The following NYNRIN variants were observed in gnomAD, a reference collection of about 807,000 sequenced individuals.
NYNRIN encodes the protein protein NYNRIN.
NYNRIN carries 86 observed loss-of-function variants against 146.6 expected under a neutral mutation model. That is an observed-to-expected ratio of 0.59 (90% CI 0.49 to 0.70). The LOEUF is 0.70. NYNRIN is among the 30% of genes least tolerant of loss of function. The pLI is 0.00. For missense variants in NYNRIN, 2,191 were observed against 2,377.7 expected (o/e 0.92, Z 1.63); for synonymous variants, 1,027 against 1,001.3 (o/e 1.03, Z -0.48).
chr14:24,399,587 ATCC>A, intron 2 of NYNRIN, 143 bp downstream of exon 2: 1 of 710,096 alleles, frequency 1.4e-6, no homozygotes, highest in Non-Finnish European at 2.4e-6. Flanking sequence ...GTAGTGGGCC[ATCC>A]TCCTGCCTCG....
intron 2 of NYNRIN, among the ~76,000 whole-genome samples, chr14:24,407,637 C>T (rs185051121): frequency 1.3e-5 from 2 of 152,332 alleles, no homozygotes; most frequent in Admixed American, 1.3e-4. Context: ...CCTCCTCTCT[C>T]CCAGGCTTCC....
In NYNRIN at chr14:24,409,473, G is replaced by T. The variant is rs1192562964; in HGVS notation, c.1679G>T (p.Arg560Ile). 1 of 1,613,828 alleles carries T rather than the reference G, an allele frequency of 6.2e-7. No individual in the cohort carries two copies. Among genetic ancestry groups the T allele is most frequent in the African/African-American group, 1.3e-5 (1 of 74,934 alleles). The change falls in exon 4 of 9, where the codon AGA (arginine) becomes ATA (isoleucine). Residue 560 changes from arginine to isoleucine, a missense_variant. By Grantham distance (97) the Arg-to-Ile change is moderately conservative (BLOSUM62 -3). This residue lies in a region of NYNRIN where 895 missense variants were observed against 941.2 expected (regional missense o/e 0.95). Transcript: ENST00000382554. ...GTGCCCAAAGCTGAAAATCCCTCCAGAACTCAAGTGCCATCTGCAGCTCCC... is the reference window on the plus strand; with the variant it reads ...GTGCCCAAAGCTGAAAATCCCTCCATAACTCAAGTGCCATCTGCAGCTCCC... ...AAVPKAENPS[R>I]TQVPSAAPKL... is the part of the protein sequence containing the mutation.
chr14:24,417,194 G>A lies in NYNRIN; in HGVS notation c.5445G>A (p.Arg1815=). 6.2e-7 allele frequency: 1 copy of A among 1,614,072 alleles called. No homozygotes were observed. The highest frequency in any genetic ancestry group is 2.2e-5 in the East Asian group (1 of 44,884). ...ADKASEKAEN[R]RFKRESQEKE... ...AGGCGAGTGAAAAGGCCGAGAACAG[G>A]CGTTTCAAGCGGGAGAGCCAGGAGA... The change falls in exon 9 of 9, where the codon AGG becomes AGA. Residue 1815 remains arginine, a synonymous_variant. Transcript: ENST00000382554.
At chr14:24,413,251 C>T (rs887168631) in intron 7 of NYNRIN, 65 bp from the exon 8 acceptor site, 80 of 1,494,824 alleles carry the variant, frequency 5.4e-5, no homozygotes, top group East Asian at 2.6e-4. Context: ...AGAAGCCAGG[C>T]GACAACAGGG....
At chr14:24,405,712 C>T (rs763019306) in intron 2 of NYNRIN, among the ~76,000 whole-genome samples, 6 of 152,166 alleles carry the variant, frequency 3.9e-5, no homozygotes, top group Non-Finnish European at 8.8e-5. Context: ...CTTCCTTGCT[C>T]ATCTAAAATG....
rs778733327 is a variant in NYNRIN at position 24,416,427 on chromosome 14, G to A, written c.4678G>A (p.Glu1560Lys). The A allele has an allele frequency of 1.6e-5, 25 of 1,612,784 alleles. No homozygotes were observed. The highest frequency in any genetic ancestry group is 2.7e-5 in the African/African-American group (2 of 74,902). ...DIPLGAHQRP[E>K]ETYKKLRLLG... ...TCCCTTGGGGGCCCACCAGAGGCCCGAAGAGACCTACAAGAAGTTGCGTTT... is the reference window on the plus strand; with the variant it reads ...TCCCTTGGGGGCCCACCAGAGGCCCAAAGAGACCTACAAGAAGTTGCGTTT... Residue 1560 changes from glutamate (E) to lysine (K), a missense_variant, in exon 9 of 9, where the codon GAA becomes AAA. Physicochemically the swap from Glu to Lys is moderately conservative, Grantham distance 56. Coordinates refer to ENST00000382554, the MANE Select transcript of NYNRIN (RefSeq NM_025081.3).
Position 24,409,300 on chromosome 14 carries a change from G to C in NYNRIN, c.1506G>C (p.Gln502His), listed in dbSNP as rs528511265. 15 of 1,614,028 alleles carry C rather than the reference G, an allele frequency of 9.3e-6. 1 individual carries two copies. The highest frequency in any genetic ancestry group is 1.6e-4 in the Middle Eastern group (1 of 6,062). The change falls in exon 4 of 9, where the codon CAG (glutamine) becomes CAC (histidine). Residue 502 changes from glutamine (Q) to histidine (H), a missense_variant. Gln to His is a conservative substitution (Grantham distance 24). Around this residue, in one of 3 missense-constraint regions of NYNRIN, gnomAD observed 895 missense variants for 941.2 expected, o/e 0.95. Transcript: ENST00000382554. ...AGCCGGGGGATCAAGGGAGTATGCAGTTAGATTTTAAGGGACTGGAAGAGG... is the reference window on the plus strand; with the variant it reads ...AGCCGGGGGATCAAGGGAGTATGCACTTAGATTTTAAGGGACTGGAAGAGG... ...GGEPGDQGSM[Q>H]LDFKGLEEGP...
rs376235359 is a variant in NYNRIN, at chr14:24,416,005, C to T, written c.4256C>T (p.Ser1419Phe). Residue 1419 changes from serine to phenylalanine, a missense_variant, in exon 9 of 9, where the codon TCT becomes TTT. By Grantham distance (155) the Ser-to-Phe change is radical (BLOSUM62 -2). Around this residue, in one of 3 missense-constraint regions of NYNRIN, gnomAD observed 1,291 missense variants for 1,417.0 expected, o/e 0.91. Transcript: ENST00000382554. Reference sequence around the variant, plus strand: ...CTCTCCTACATTATATCCCTCACCTCTGGCCTCTCATCCCTTCCGTTTATC... The same window carrying T: ...CTCTCCTACATTATATCCCTCACCTTTGGCCTCTCATCCCTTCCGTTTATC... The part of the protein sequence containing the change: ...SLLSYIISLT[S>F]GLSSLPFIYR... 1.2e-6 allele frequency: 2 copies of T among 1,613,932 alleles called. No homozygotes were observed. Among genetic ancestry groups the T allele is most frequent in the Non-Finnish European group, 1.7e-6 (2 of 1,179,906 alleles).
Position 24,410,991 on chromosome 14 carries a change from C to T in NYNRIN, c.2415-85C>T, listed in dbSNP as rs556052228. The T allele has an allele frequency of 5.9e-6, 9 of 1,531,280 alleles. No homozygotes were observed. In the African/African-American group the frequency reaches 1.2e-4, roughly 21 times the overall value. 94.9% of individuals were successfully genotyped at this position (1,531,280 alleles called of 1,614,324 possible). ...GAGGGCATCATTGGTGTCCTTGGTG[C>T]TGGCATTGCTTGCTTGCTGCCCCAG... On this transcript the variant is annotated intron_variant, in intron 4 of 8. Transcript: ENST00000382554.
rs112226335 is a variant in NYNRIN at position 24,407,886 on chromosome 14, G to A, written c.216G>A (p.Leu72=). The change falls in exon 3 of 9, where the codon CTG becomes CTA. Residue 72 remains leucine (L), a synonymous_variant. Transcript: ENST00000382554. The part of the protein sequence containing the change: ...MGKAKEYLKG[L]CSPELWKEVR... Reference sequence around the variant, plus strand: ...GTGCCCAGGAATACCTGAAGGGCCTGTGCAGCCCAGAGCTGTGGAAAGAGG... The same window carrying A: ...GTGCCCAGGAATACCTGAAGGGCCTATGCAGCCCAGAGCTGTGGAAAGAGG... 7 of 1,611,494 alleles carry A rather than the reference G, an allele frequency of 4.3e-6. No individual in the cohort carries two copies. In the African/African-American group the frequency reaches 6.7e-5, roughly 15 times the overall value.
At chr14:24,402,800 A>G (rs1190639315) in intron 2 of NYNRIN, among the ~76,000 whole-genome samples, 1 of 152,122 alleles carries the variant, frequency 6.6e-6, no homozygotes, top group Non-Finnish European at 1.5e-5. Context: ...TTTTCTTTAA[A>G]CTTAAATTTT....
rs763343581 is a variant in NYNRIN, at chr14:24,416,975, T to C, written c.5226T>C (p.Pro1742=). 1.2e-5 allele frequency: 19 copies of C among 1,583,956 alleles called. No homozygotes were observed. In the East Asian group the frequency reaches 4.3e-4, roughly 36 times the overall value. Reference sequence around the variant, plus strand: ...GGAAGAAGTGGGCGGCCTCCCTGCCTTTGCTGCACCTGGCCTTCAGGGCCT... The same window carrying C: ...GGAAGAAGTGGGCGGCCTCCCTGCCCTTGCTGCACCTGGCCTTCAGGGCCT... The part of the protein sequence containing the change: ...LHGKKWAASL[P]LLHLAFRASS... The change falls in exon 9 of 9, where the codon CCT becomes CCC. Residue 1742 remains proline, a synonymous_variant. Coordinates refer to ENST00000382554, the MANE Select transcript of NYNRIN (RefSeq NM_025081.3).
At position 24,411,529 on chromosome 14, in the gene NYNRIN, C is replaced by A. The variant is rs1026023250; in HGVS notation, c.2642+79C>A. The A allele has an allele frequency of 8.0e-7, 1 of 1,247,736 alleles. No individual in the cohort carries two copies. Among genetic ancestry groups the A allele is most frequent in the Non-Finnish European group, 1.2e-6 (1 of 855,442 alleles). The allele number at this position is 1,247,736 out of a possible 1,614,324, so 77.3% of individuals were successfully genotyped here. A position where few individuals can be genotyped will look rare whatever the true frequency, so the allele number is the denominator to read the frequency against. ...GTGTGTCAGGTGGAGTCCGGCCTGT[C>A]TTCTCTGGGGAAATGGAGGCAAACA... On this transcript the variant is annotated intron_variant, in intron 6 of 8. Coordinates refer to ENST00000382554, the MANE Select transcript of NYNRIN (RefSeq NM_025081.3). This position sits in a 1 kb window ranked among gnomAD's most constrained non-coding sequence, Gnocchi z 4.3.
Position 24,408,914 on chromosome 14 carries a change from C to G in NYNRIN, c.1120C>G (p.Leu374Val). 6.2e-7 allele frequency: 1 copy of G among 1,614,030 alleles called. No individual in the cohort carries two copies. Reference protein sequence around the residue: ...IAATFWRINELHSLHLAWLLS... With the variant: ...IAATFWRINEVHSLHLAWLLS... ...TGCAACCTTCTGGAGGATCAATGAG[C>G]TGCATTCTCTACATCTGGCCTGGCT... The change falls in exon 4 of 9, where the codon CTG (leucine) becomes GTG (valine). Residue 374 changes from leucine (L) to valine (V), a missense_variant. Leu to Val is a conservative substitution (Grantham distance 32). Coordinates refer to ENST00000382554, the MANE Select transcript of NYNRIN (RefSeq NM_025081.3).
At chr14:24,413,160 A>G (rs2042922917) in intron 7 of NYNRIN, 62 bp downstream of exon 7, 3 of 1,412,954 alleles carry the variant, frequency 2.1e-6, no homozygotes, top group African/African-American at 1.4e-5. Flanking sequence ...AGCCCCTGGC[A>G]TGGGAGGGAT....
At chr14:24,401,565 T>C (rs2042843886) in intron 2 of NYNRIN, among the ~76,000 whole-genome samples, 1 of 152,180 alleles carries the variant, frequency 6.6e-6, no homozygotes, top group Non-Finnish European at 1.5e-5. Flanking sequence ...ACCTGTTAAC[T>C]ATCTGAACTG....
chr14:24,414,926 G>T lies in NYNRIN; in HGVS notation c.3177G>T (p.Gly1059=). 1 of 1,600,532 alleles carries T rather than the reference G, an allele frequency of 6.2e-7. No individual in the cohort carries two copies. ...DGALDIDLLP[G]AASPYLGIPW... is the part of the protein sequence containing the mutation. ...CCCTGGACATCGACCTCCTGCCAGG[G>T]GCAGCTTCTCCCTACCTGGGCATCC... is the stretch of plus-strand genomic sequence containing the variant. Residue 1059 remains glycine, a synonymous_variant, in exon 9 of 9, where the codon GGG becomes GGT. Coordinates refer to ENST00000382554, the MANE Select transcript of NYNRIN (RefSeq NM_025081.3).
At chr14:24,405,045 T>A (rs189828509) in intron 2 of NYNRIN, among the ~76,000 whole-genome samples, 20 of 99,382 alleles carry the variant, frequency 2.0e-4, no homozygotes, top group South Asian at 1.1e-3. Context: ...TGTGTGTGTG[T>A]GAATGTGTGT....
intron 2 of NYNRIN, among the ~76,000 whole-genome samples, chr14:24,400,159 C>T (rs1057083183): frequency 1.3e-5 from 2 of 152,088 alleles, no homozygotes; most frequent in African/African-American, 2.4e-5. Context: ...AGATTCCCAG[C>T]CCTTGGAGAT....
Sources: allele counts gnomAD v4.1 joint callset (sites outside exome capture counted in the v4.1 genomes callset), GRCh38; gene constraint gnomAD v4.1.1; regional missense constraint gnomAD v4.1.1; non-coding constraint Gnocchi (gnomAD v3.1); transcripts MANE v1.5; gene names NCBI Gene and HGNC (gene_info 2026-07-23, HGNC 2026-07-21).